Variants in MPZL1 observed in about 807,000 individuals in gnomAD.
The protein encoded by MPZL1 is myelin protein zero-like protein 1.
Under a neutral mutation model 29.3 loss-of-function variants are expected in MPZL1, and 16 were observed. The observed-to-expected ratio is 0.55, with a 90% CI of 0.37 to 0.83. MPZL1 has a LOEUF of 0.83. MPZL1 is among the 40% of genes least tolerant of loss of function. The probability of loss-of-function intolerance (pLI) is 0.00; values close to 1 mark genes in which losing one functional copy is unlikely to be tolerated. For synonymous variants in MPZL1, 143 were observed against 132.0 expected (o/e 1.08, Z -0.57); for missense variants, 279 against 332.9 (o/e 0.84, Z 1.26).
intron 1 of MPZL1, chr1:167,765,281 T>C (rs1372647655): frequency 6.1e-6 from 1 of 163,776 alleles, no homozygotes; most frequent in East Asian, 1.7e-4. Context: ...ATTCAATGTT[T>C]CTGTAAACCT....
intron 1 of MPZL1, among the ~76,000 whole-genome samples, chr1:167,742,962 T>G (rs1055772527): frequency 6.6e-6 from 1 of 152,140 alleles, no homozygotes; most frequent in African/African-American, 2.4e-5. Flanking sequence ...GGGTTTATTT[T>G]TGGGTTCTCT....
chr1:167,745,240 C>T (rs1211457895), intron 1 of MPZL1, among the ~76,000 whole-genome samples: 1 of 152,090 alleles, frequency 6.6e-6, no homozygotes, highest in African/African-American at 2.4e-5. Flanking sequence ...GAAAGGGGTA[C>T]AGCTTGAAAG....
At chr1:167,765,526 C>T (rs755951123) in intron 1 of MPZL1, 57 bp from the exon 2 acceptor site, 82 of 1,437,770 alleles carry the variant, frequency 5.7e-5, no homozygotes, top group South Asian at 7.1e-5. Flanking sequence ...GGCAAAAATG[C>T]ACAGTGGTAT....
At chr1:167,785,803 GT>G (rs1050213848) in intron 5 of MPZL1, among the ~76,000 whole-genome samples, 1 of 151,350 alleles carries the variant, frequency 6.6e-6, no homozygotes, top group African/African-American at 2.4e-5. Context: ...TCTTTTTTTT[GT>G]TTTTTTGAGA....
At chr1:167,756,331 A>T (rs1374397693) in intron 1 of MPZL1, among the ~76,000 whole-genome samples, 1 of 151,410 alleles carries the variant, frequency 6.6e-6, no homozygotes, top group Non-Finnish European at 1.5e-5. Context: ...TTTTGTCAAG[A>T]CGAGGGCTGG....
At chr1:167,724,693 T>A (rs187470057) in intron 1 of MPZL1, among the ~76,000 whole-genome samples, 1 of 152,158 alleles carries the variant, frequency 6.6e-6, no homozygotes, top group Admixed American at 6.5e-5. Flanking sequence ...TTTGAATATG[T>A]TGAGTTTGAG....
rs1268641301 is a variant in MPZL1 at position 167,788,943 on chromosome 1, C to G, written c.*1022C>G. ...CCCAGACTAGCCTTGAACTCTTGGG[C>G]TCAAGTGATTCTCCCTCCTCAGCCT... On this transcript the variant is annotated 3_prime_UTR_variant, in exon 6 of 6. Transcript: ENST00000359523. The G allele has an allele frequency of 6.7e-6, 1 of 149,612 alleles. No homozygotes were observed. Among genetic ancestry groups the G allele is most frequent in the South Asian group, 2.1e-4 (1 of 4,738 alleles). The allele number at this position is 149,612 out of a possible 1,614,324, so 9.3% of individuals were successfully genotyped here. A position where few individuals can be genotyped will look rare whatever the true frequency, so the allele number is the denominator to read the frequency against.
chr1:167,736,307 G>A (rs112284933), intron 1 of MPZL1, among the ~76,000 whole-genome samples: 1 of 152,144 alleles, frequency 6.6e-6, no homozygotes, highest in East Asian at 1.9e-4. Context: ...CAGTGAATAT[G>A]TGGCAGCTAT....
At chr1:167,760,883 T>C (rs754861691) in intron 1 of MPZL1, among the ~76,000 whole-genome samples, 11 of 151,658 alleles carry the variant, frequency 7.3e-5, no homozygotes, top group Non-Finnish European at 8.8e-5. Context: ...ATCTGGGCTC[T>C]TAATCATATA....
At chr1:167,784,781 T>G (rs1333558905) in intron 5 of MPZL1, among the ~76,000 whole-genome samples, 3 of 152,230 alleles carry the variant, frequency 2.0e-5, no homozygotes, top group Non-Finnish European at 4.4e-5. Context: ...GTCCCTGACT[T>G]AAGACCTTAT....
At chr1:167,739,284 T>TATATATATATGTATATATACATATATAC (rs1660457885) in intron 1 of MPZL1, among the ~76,000 whole-genome samples, 1 of 73,998 alleles carries the variant, frequency 1.4e-5, no homozygotes, top group Non-Finnish European at 2.9e-5. Flanking sequence ...CATATATACA[T>TATATATATATGTATATATACATATATAC]ATATATATAT....
At chr1:167,763,499 TC>T (rs1661040362) in intron 1 of MPZL1, among the ~76,000 whole-genome samples, 1 of 124,022 alleles carries the variant, frequency 8.1e-6, no homozygotes. Context: ...AGACTCGGTC[TC>T]AAAAAAAAAA....
At chr1:167,769,096 G>A (rs1478979852) in intron 2 of MPZL1, among the ~76,000 whole-genome samples, 1 of 152,170 alleles carries the variant, frequency 6.6e-6, no homozygotes, top group African/African-American at 2.4e-5. Context: ...AAGTCACCAA[G>A]GTTTCCTGAG....
chr1:167,751,711 A>G (rs528702114), intron 1 of MPZL1, among the ~76,000 whole-genome samples: 4 of 152,110 alleles, frequency 2.6e-5, no homozygotes, highest in Non-Finnish European at 5.9e-5. Context: ...TGTATGCAAT[A>G]CTTAGTTTTT....
At chr1:167,757,204 A>G (rs887706466) in intron 1 of MPZL1, among the ~76,000 whole-genome samples, 1 of 152,188 alleles carries the variant, frequency 6.6e-6, no homozygotes, top group Non-Finnish European at 1.5e-5. Flanking sequence ...CTGACCCCAC[A>G]GTGGCAGCAA....
Position 167,759,012 on chromosome 1 carries a change from C to A in MPZL1, c.92-6571C>A, listed in dbSNP as rs12062074. ...GTATATCATTTAATCTATTTTATTT[C>A]ATTTCATTTCTGTGTTTTTATTCCC... On this transcript the variant is annotated intron_variant, in intron 1 of 5. Coordinates refer to ENST00000359523, the MANE Select transcript of MPZL1 (RefSeq NM_003953.6). 4.2e-3 allele frequency among the ~76,000 whole-genome samples: 645 copies of A among 152,230 alleles called. 6 individuals carry two copies. The highest frequency in any genetic ancestry group is 0.015 in the African/African-American group (617 of 41,564).
At chr1:167,731,199 C>T (rs935036422) in intron 1 of MPZL1, among the ~76,000 whole-genome samples, 1 of 152,112 alleles carries the variant, frequency 6.6e-6, no homozygotes, top group Admixed American at 6.5e-5. Flanking sequence ...CTTTGGGAGG[C>T]TGAGGTGGAC....
At chr1:167,739,276 TATATAC>T (rs1187097570) in intron 1 of MPZL1, among the ~76,000 whole-genome samples, 6 of 87,682 alleles carry the variant, frequency 6.8e-5, no homozygotes, top group African/African-American at 3.7e-4. Flanking sequence ...CATATATACA[TATATAC>T]ATATATATAT....
At chr1:167,747,639 G>A (rs1660672628) in intron 1 of MPZL1, among the ~76,000 whole-genome samples, 1 of 152,184 alleles carries the variant, frequency 6.6e-6, no homozygotes, top group South Asian at 2.1e-4. Context: ...GGAACTCAGT[G>A]TTAGTATCCT....
Sources: gnomAD v4.1 joint callset for allele counts (sites outside exome capture counted in the v4.1 genomes callset) on GRCh38, gnomAD v4.1.1 for gene constraint, MANE v1.5 for transcripts, NCBI Gene and HGNC (gene_info 2026-07-23, HGNC 2026-07-21) for gene names.